TRIM52: variants seen among roughly 807,000 people sequenced by gnomAD.
The protein encoded by TRIM52 is tripartite motif containing 52, also known as E3 ubiquitin-protein ligase TRIM52.
Under a neutral mutation model 27.0 loss-of-function variants are expected in TRIM52, and 24 were observed. The observed-to-expected ratio is 0.89, with a 90% confidence interval of 0.64 to 1.25. TRIM52 has a LOEUF of 1.25. TRIM52 is among the 50% of genes most tolerant of loss of function. The pLI is 0.00. For synonymous variants in TRIM52, 125 were observed against 126.5 expected (o/e 0.99, Z 0.08); for missense variants, 351 against 354.7 (o/e 0.99, Z 0.08).
At chr5:181,257,206 C>CTCT in intron 1 of TRIM52, 1 of 1,245,840 alleles carries the variant, frequency 8.0e-7, no homozygotes. Flanking sequence ...TCAAGACGAA[C>CTCT]TCTAACTCAT....
chr5:181,254,313 AAAAG>A (rs1334724823), downstream of TRIM52: 2 of 133,100 alleles, frequency 1.5e-5, no homozygotes, highest in Non-Finnish European at 3.0e-5. Flanking sequence ...GAGAGAAAGA[AAAAG>A]AAATCAATCA....
intron 1 of TRIM52, chr5:181,258,469 A>C (rs895917869): frequency 1.3e-5 from 2 of 152,262 alleles, no homozygotes; most frequent in Non-Finnish European, 2.9e-5. Flanking sequence ...AGCATAGGAC[A>C]TAAGTTTTTT....
Position 181,260,220 on chromosome 5 carries a change from G to C in TRIM52, c.594C>G (p.Asn198Lys). ...TCTGGACCATGTTGGCCAGCTGCAAGTTGGGACGAAAGCTGCGACGTGTAA... is the reference window on the plus strand; with the variant it reads ...TCTGGACCATGTTGGCCAGCTGCAACTTGGGACGAAAGCTGCGACGTGTAA... ...KSFTRRSFRPNLQLANMVQII... is the reference protein window; with the variant it reads ...KSFTRRSFRPKLQLANMVQII... Residue 198 changes from asparagine (N) to lysine (K), a missense_variant, in exon 1 of 2, where the codon AAC (asparagine) becomes AAG (lysine). Asn to Lys is a moderately conservative substitution (Grantham distance 94, BLOSUM62 0). Coordinates refer to ENST00000688015, the MANE Select transcript of TRIM52 (RefSeq NM_001346048.2). This position sits in a 1 kb window ranked among gnomAD's most constrained non-coding sequence, Gnocchi z 4.4. 6.2e-7 allele frequency: 1 copy of C among 1,614,236 alleles called. No homozygotes were observed. Among genetic ancestry groups the C allele is most frequent in the Non-Finnish European group, 8.5e-7 (1 of 1,180,042 alleles).
chr5:181,260,386 A>C lies in TRIM52; in HGVS notation c.428T>G (p.Leu143Arg). The change falls in exon 1 of 2, where the codon CTG becomes CGG. Residue 143 changes from leucine to arginine, a missense_variant. Transcript: ENST00000688015. The surrounding 1 kb of genome is among the most constrained non-coding windows in gnomAD (Gnocchi z 4.4). ...DYYLGGLRPD[L>R]RIDVYREEEI... ...TTCTTCTCGGTAGACATCAATTCTC[A>C]GGTCAGGTCTCAAGCCTCCTAGGTA... 1 of 1,613,772 alleles carries C rather than the reference A, an allele frequency of 6.2e-7. No individual in the cohort carries two copies. The highest frequency in any genetic ancestry group is 2.2e-5 in the East Asian group (1 of 44,850).
At chr5:181,252,454 C>T (rs1759655900), downstream of TRIM52, among the ~76,000 whole-genome samples, 1 of 152,230 alleles carries the variant, frequency 6.6e-6, no homozygotes, top group Admixed American at 6.5e-5. Flanking sequence ...CTGTATTAGA[C>T]AGCAGATACA....
intron 1 of TRIM52, 63 bp downstream of exon 1, chr5:181,259,938 C>T: frequency 6.2e-7 from 1 of 1,610,842 alleles, no homozygotes; most frequent in Non-Finnish European, 8.5e-7. Context: ...GCTACTCATT[C>T]CTCAGCTCTC....
Position 181,260,995 on chromosome 5 carries a change from T to C in TRIM52, c.-182A>G. On this transcript the variant is annotated 5_prime_UTR_variant, in exon 1 of 2. Coordinates refer to ENST00000688015, the MANE Select transcript of TRIM52 (RefSeq NM_001346048.2). The surrounding 1 kb of genome is among the most constrained non-coding windows in gnomAD (Gnocchi z 4.4). ...AGGGTGCGAACGCCCAGATCCAGAC[T>C]CACAGCCTCTCTCTGGGATCGGTGG... 1.2e-6 allele frequency: 1 copy of C among 810,794 alleles called. No homozygotes were observed. The highest frequency in any genetic ancestry group is 1.9e-6 in the Non-Finnish European group (1 of 536,276). The allele number at this position is 810,794 out of a possible 1,614,324, so 50.2% of individuals were successfully genotyped here.
rs1212607598 is a variant in TRIM52, at chr5:181,260,277, C to T, written c.537G>A (p.Gly179=). The T allele has an allele frequency of 6.2e-7, 1 of 1,614,174 alleles. No homozygotes were observed. Among genetic ancestry groups the T allele is most frequent in the African/African-American group, 1.3e-5 (1 of 75,048 alleles). Residue 179 remains glycine (G), a synonymous_variant, in exon 1 of 2, where the codon GGG becomes GGA. Coordinates refer to ENST00000688015, the MANE Select transcript of TRIM52 (RefSeq NM_001346048.2). The surrounding 1 kb of genome is among the most constrained non-coding windows in gnomAD (Gnocchi z 4.4). ...TTCGGCACTGGGGGCAGGTGAACTG[C>T]CCTGGAAGGGGCAAGGAAGGAGGCG... ...IHPPPSLPLP[G]QFTCPQCRKS...
At position 181,260,000 on chromosome 5, in the gene TRIM52, C is replaced by G. The variant is rs756984572; in HGVS notation, c.813+1G>C. 3.4e-5 allele frequency: 55 copies of G among 1,613,530 alleles called. No individual in the cohort carries two copies. Among genetic ancestry groups the G allele is most frequent in the Middle Eastern group, 1.8e-4 (1 of 5,640 alleles). On this transcript the variant is annotated splice_donor_variant, in intron 1 of 1. Coordinates refer to ENST00000688015, the MANE Select transcript of TRIM52 (RefSeq NM_001346048.2). LOFTEE classifies it high-confidence loss of function. ...CCCCCACATTCCCTCATTTCTCTCA[C>G]CTGGTACTCCTGCACCACCTCCTCC...
downstream of TRIM52, among the ~76,000 whole-genome samples, chr5:181,249,472 C>T (rs913211094): frequency 6.6e-6 from 1 of 152,114 alleles, no homozygotes; most frequent in Non-Finnish European, 1.5e-5. Context: ...CACTTGAACT[C>T]AGGTGTTCAA....
chr5:181,249,693 A>T (rs913307850), downstream of TRIM52, among the ~76,000 whole-genome samples: 7 of 151,870 alleles, frequency 4.6e-5, no homozygotes, highest in South Asian at 2.1e-4. Context: ...AAAAAAAAAA[A>T]TTAAGCACAA....
chr5:181,257,082 T>C (rs556909492), intron 1 of TRIM52: 13 of 1,017,118 alleles, frequency 1.3e-5, no homozygotes, highest in Non-Finnish European at 1.5e-5. Flanking sequence ...AAATCTTTGT[T>C]CATTTTCTTT....
At position 181,258,220 on chromosome 5, in the gene TRIM52, ATC is replaced by A. The variant is rs970323475; in HGVS notation, c.814-1363_814-1362del. 4.6e-5 allele frequency: 7 copies of A among 150,826 alleles called. 1 individual carries two copies. The highest frequency in any genetic ancestry group is 1.0e-4 in the Non-Finnish European group (7 of 67,728). 9.3% of individuals were successfully genotyped at this position (150,826 alleles called of 1,614,324 possible). ...AGCCTGGCCAACATGGTGAAACCCC[ATC>A]TCTACTAAAAATGCAAAATTAGCTG... On this transcript the variant is annotated intron_variant, in intron 1 of 1. Coordinates refer to ENST00000688015, the MANE Select transcript of TRIM52 (RefSeq NM_001346048.2).
At position 181,259,493 on chromosome 5, in the gene TRIM52, A is replaced by AG. The variant is rs67290468; in HGVS notation, c.813+507dup. 2.3e-4 allele frequency: 41 copies of AG among 174,892 alleles called. No individual in the cohort carries two copies. In the East Asian group the frequency reaches 4.1e-3, roughly 18 times the overall value. The allele number at this position is 174,892 out of a possible 1,614,324, so 10.8% of individuals were successfully genotyped here. A position where few individuals can be genotyped will look rare whatever the true frequency, so the allele number is the denominator to read the frequency against. On this transcript the variant is annotated intron_variant, in intron 1 of 1. Transcript: ENST00000688015. ...TAGAGATGCAATCCCAGACTTTCAG[A>AG]GGGGGGGTGTGGCCAATTGCTATCA...
chr5:181,252,868 C>CAGAGCTTGATTTTGTAAACTGTTT (rs987725544), downstream of TRIM52, among the ~76,000 whole-genome samples: 1 of 152,114 alleles, frequency 6.6e-6, no homozygotes, highest in Non-Finnish European at 1.5e-5. Context: ...TCAAAATCTC[C>CAGAGCTTGATTTTGTAAACTGTTT]AGAGCTTGAT....
In TRIM52 at chr5:181,260,997, A is replaced by G; in HGVS notation, c.-184T>C. The G allele has an allele frequency of 1.2e-6, 1 of 809,660 alleles. No individual in the cohort carries two copies. The highest frequency in any genetic ancestry group is 1.9e-6 in the Non-Finnish European group (1 of 535,584). 50.2% of individuals were successfully genotyped at this position (809,660 alleles called of 1,614,324 possible). On this transcript the variant is annotated 5_prime_UTR_variant, in exon 1 of 2. Coordinates refer to ENST00000688015, the MANE Select transcript of TRIM52 (RefSeq NM_001346048.2). This position sits in a 1 kb window ranked among gnomAD's most constrained non-coding sequence, Gnocchi z 4.4. ...GGTGCGAACGCCCAGATCCAGACTC[A>G]CAGCCTCTCTCTGGGATCGGTGGGG...
intron 1 of TRIM52, chr5:181,257,125 C>A: frequency 9.3e-7 from 1 of 1,079,508 alleles, no homozygotes; most frequent in Non-Finnish European, 1.1e-6. Flanking sequence ...AAACCTGACA[C>A]CATTTAATGG....
downstream of TRIM52, among the ~76,000 whole-genome samples, chr5:181,251,514 G>A (rs1234890631): frequency 1.3e-5 from 2 of 152,198 alleles, no homozygotes; most frequent in African/African-American, 2.4e-5. Flanking sequence ...TCCCCGAGGT[G>A]TCTATCTTTC....
downstream of TRIM52, among the ~76,000 whole-genome samples, chr5:181,253,054 A>T (rs1426487645): frequency 2.4e-4 from 29 of 123,382 alleles, no homozygotes; most frequent in Admixed American, 1.9e-3. Context: ...TTTTTTTTTG[A>T]GATGGAGTTT....
Sources: allele counts gnomAD v4.1 joint callset (sites outside exome capture counted in the v4.1 genomes callset), GRCh38; gene constraint gnomAD v4.1.1; non-coding constraint Gnocchi (gnomAD v3.1); transcripts MANE v1.5; gene names NCBI Gene and HGNC (gene_info 2026-07-23, HGNC 2026-07-21).